The following NKAIN2 variants were observed in gnomAD, a reference collection of about 807,000 sequenced individuals.
NKAIN2 encodes the protein sodium/potassium-transporting ATPase subunit beta-1-interacting protein 2.
NKAIN2 carries 14 observed loss-of-function variants against 32.6 expected under a neutral mutation model. The observed-to-expected ratio is 0.43, with a 90% CI of 0.28 to 0.67. NKAIN2 has a LOEUF of 0.67. NKAIN2 is among the 30% of genes least tolerant of loss of function. NKAIN2 has a pLI of 0.17. For missense variants in NKAIN2, 198 were observed against 258.3 expected, an observed-to-expected ratio of 0.77 and a Z score of 1.60; for synonymous variants, 80 against 87.2, an observed-to-expected ratio of 0.92 and a Z score of 0.46.
intron 3 of NKAIN2, among the ~76,000 whole-genome samples, chr6:124,632,364 G>A (rs751276771): frequency 4.6e-5 from 7 of 152,122 alleles, no homozygotes; most frequent in Non-Finnish European, 8.8e-5. Context: ...GGCTAATGCT[G>A]CTGCAGTATC....
chr6:123,912,169 G>C (rs1237582526), intron 1 of NKAIN2, among the ~76,000 whole-genome samples: 1 of 151,832 alleles, frequency 6.6e-6, no homozygotes, highest in Non-Finnish European at 1.5e-5. Flanking sequence ...TTATTGACAT[G>C]AATCATGTGA....
intron 4 of NKAIN2, among the ~76,000 whole-genome samples, chr6:124,736,140 G>T (rs1258016277): frequency 6.6e-6 from 1 of 151,886 alleles, no homozygotes; most frequent in Middle Eastern, 3.2e-3. Flanking sequence ...TAAATGATAA[G>T]AAAGAGAAAC....
intron 4 of NKAIN2, among the ~76,000 whole-genome samples, chr6:124,706,034 G>A (rs567955552): frequency 2.6e-5 from 4 of 152,112 alleles, no homozygotes; most frequent in South Asian, 4.2e-4. Context: ...TGACTATGGC[G>A]ACCTTGATGA....
intron 2 of NKAIN2, among the ~76,000 whole-genome samples, chr6:124,352,454 AAT>A (rs1185314964): frequency 1.3e-5 from 2 of 152,234 alleles, no homozygotes; most frequent in African/African-American, 4.8e-5. Flanking sequence ...ATAAGCATAA[AAT>A]ATAATTTTAG....
At chr6:123,843,443 T>C (rs890049464) in intron 1 of NKAIN2, among the ~76,000 whole-genome samples, 3 of 152,130 alleles carry the variant, frequency 2.0e-5, no homozygotes, top group African/African-American at 7.2e-5. Flanking sequence ...TCTTCTCTCC[T>C]TCTCTGCCGA....
chr6:124,339,947 T>C (rs1201261305), intron 2 of NKAIN2, among the ~76,000 whole-genome samples: 1 of 152,214 alleles, frequency 6.6e-6, no homozygotes, highest in East Asian at 1.9e-4. Context: ...TTATAATACA[T>C]CTTGACTATG....
chr6:124,702,680 A>G (rs560534749), intron 4 of NKAIN2, among the ~76,000 whole-genome samples: 1 of 152,176 alleles, frequency 6.6e-6, no homozygotes, highest in Non-Finnish European at 1.5e-5. Context: ...TCTCCATTAA[A>G]TCATCAATGC....
intron 4 of NKAIN2, among the ~76,000 whole-genome samples, chr6:124,718,923 C>A (rs1017987409): frequency 1.3e-5 from 2 of 152,134 alleles, no homozygotes; most frequent in Non-Finnish European, 2.9e-5. Flanking sequence ...AAAAAATGAA[C>A]TACAATTCAT....
rs1167813553 is a variant in NKAIN2, at chr6:123,804,273, C to T, written c.54+19C>T. 1.2e-6 allele frequency: 2 copies of T among 1,606,084 alleles called. No individual in the cohort carries two copies. The highest frequency in any genetic ancestry group is 2.7e-5 in the African/African-American group (2 of 74,856). Reference sequence around the variant, plus strand: ...GCAACTGGTAAGTGACACTTGGGTCCCCTTATTCTGTAATGTGTCTTTGAG... The same window carrying T: ...GCAACTGGTAAGTGACACTTGGGTCTCCTTATTCTGTAATGTGTCTTTGAG... On this transcript the variant is annotated intron_variant, in intron 1 of 6. Transcript: ENST00000368417.
At chr6:124,192,749 T>TC (rs1410833548) in intron 1 of NKAIN2, among the ~76,000 whole-genome samples, 2 of 134,626 alleles carry the variant, frequency 1.5e-5, no homozygotes, top group Admixed American at 7.4e-5. Context: ...CCGTTTTTTT[T>TC]TTTTTTTTTT....
At chr6:124,804,880 C>G (rs1780454308) in intron 5 of NKAIN2, among the ~76,000 whole-genome samples, 1 of 152,222 alleles carries the variant, frequency 6.6e-6, no homozygotes, top group South Asian at 2.1e-4. Flanking sequence ...CCCACGGAGT[C>G]TCACTGATTG....
Position 123,871,885 on chromosome 6 carries a change from G to A in NKAIN2, c.54+67631G>A, listed in dbSNP as rs924832463. Among the ~76,000 whole-genome samples, 6 of 152,130 alleles carry A rather than the reference G, an allele frequency of 3.9e-5. No homozygotes were observed. In the East Asian group the frequency reaches 7.7e-4, roughly 20 times the overall value. On this transcript the variant is annotated intron_variant, in intron 1 of 6. Transcript: ENST00000368417. ...TTTATTTCTTTGAATATGAATCCCC[G>A]ATTGAATTTCCTTATAATCTCACAT...
At position 123,972,339 on chromosome 6, in the gene NKAIN2, A is replaced by G. The variant is rs182653632; in HGVS notation, c.54+168085A>G. The stretch of plus-strand genomic sequence containing the variant: ...CCATACATTATTTAGATTTGATCAA[A>G]CTGGATTTTTAGTATGTTTTTGATT... On this transcript the variant is annotated intron_variant, in intron 1 of 6. Coordinates refer to ENST00000368417, the MANE Select transcript of NKAIN2 (RefSeq NM_001040214.3). Among the ~76,000 whole-genome samples the G allele has an allele frequency of 3.3e-5, 5 of 152,282 alleles. 1 individual carries two copies. In the East Asian group the frequency reaches 9.6e-4, roughly 29 times the overall value.
At chr6:124,164,547 C>A (rs1469935675) in intron 1 of NKAIN2, among the ~76,000 whole-genome samples, 1 of 152,066 alleles carries the variant, frequency 6.6e-6, no homozygotes, top group South Asian at 2.1e-4. Flanking sequence ...GTGGTGGTGT[C>A]TAATTCGATT....
intron 1 of NKAIN2, among the ~76,000 whole-genome samples, chr6:123,960,473 C>T (rs1316437939): frequency 6.6e-6 from 1 of 152,124 alleles, no homozygotes; most frequent in Non-Finnish European, 1.5e-5. Flanking sequence ...TTTCCATGTG[C>T]TGTCAGCTGG....
chr6:123,940,424 G>T (rs1330553487), intron 1 of NKAIN2, among the ~76,000 whole-genome samples: 1 of 151,722 alleles, frequency 6.6e-6, no homozygotes, highest in African/African-American at 2.4e-5. Context: ...TAATGACAGG[G>T]ATTGAGAAAT....
intron 4 of NKAIN2, among the ~76,000 whole-genome samples, chr6:124,742,616 T>C (rs1777271939): frequency 6.6e-6 from 1 of 151,870 alleles, no homozygotes; most frequent in African/African-American, 2.4e-5. Flanking sequence ...GGTTCTCTTT[T>C]TGGTTCTGTT....
At chr6:124,471,965 G>A (rs1357572587) in intron 3 of NKAIN2, among the ~76,000 whole-genome samples, 3 of 151,576 alleles carry the variant, frequency 2.0e-5, no homozygotes, top group Non-Finnish European at 4.4e-5. Context: ...TTTTTAATGA[G>A]CAAATAGTTA....
At chr6:124,159,228 T>C (rs1036156698) in intron 1 of NKAIN2, among the ~76,000 whole-genome samples, 10 of 152,212 alleles carry the variant, frequency 6.6e-5, no homozygotes, top group Non-Finnish European at 1.2e-4. Context: ...CAGAATTTTA[T>C]TTTTTAGTTT....
Sources: gnomAD v4.1 joint callset for allele counts (sites outside exome capture counted in the v4.1 genomes callset) on GRCh38, gnomAD v4.1.1 for gene constraint, MANE v1.5 for transcripts, NCBI Gene and HGNC (gene_info 2026-07-23, HGNC 2026-07-21) for gene names.